TMEM132B: variants seen among roughly 807,000 people sequenced by gnomAD.
The protein encoded by TMEM132B is transmembrane protein 132B.
A neutral mutation model predicts 90.8 loss-of-function variants in TMEM132B; 18 were observed. The ratio of observed to expected loss-of-function variants is 0.20; its 90% confidence interval spans 0.14 to 0.29. TMEM132B has a LOEUF of 0.29. Ranked by LOEUF, TMEM132B falls within the 10% of genes least tolerant of loss-of-function variation. TMEM132B has a pLI of 1.00. For missense variants in TMEM132B, 1,096 were observed against 1,326.8 expected (o/e 0.83, Z 2.70); for synonymous variants, 504 against 523.3 (o/e 0.96, Z 0.50).
chr12:125,319,703 C>T (rs1876375942), intron 1 of TMEM132B, among the ~76,000 whole-genome samples: 1 of 152,176 alleles, frequency 6.6e-6, no homozygotes, highest in Admixed American at 6.5e-5. Context: ...TCAATTATCA[C>T]ATAGGTCCAG....
At chr12:125,480,270 G>A (rs970119764) in intron 3 of TMEM132B, among the ~76,000 whole-genome samples, 6 of 152,154 alleles carry the variant, frequency 3.9e-5, no homozygotes, top group Non-Finnish European at 5.9e-5. Flanking sequence ...GAGCAGAACT[G>A]AAGGAGATAG....
chr12:125,365,862 G>T (rs866543577), intron 2 of TMEM132B, among the ~76,000 whole-genome samples: 105 of 151,842 alleles, frequency 6.9e-4, no homozygotes, highest in African/African-American at 2.4e-3. Flanking sequence ...TCTTTGTGTT[G>T]GGAACATTAG....
At chr12:125,616,426 C>T (rs1357143555) in intron 5 of TMEM132B, among the ~76,000 whole-genome samples, 1 of 152,056 alleles carries the variant, frequency 6.6e-6, no homozygotes, top group African/African-American at 2.4e-5. Context: ...TGCCATGTAG[C>T]TGAAACCCCA....
intron 1 of TMEM132B, among the ~76,000 whole-genome samples, chr12:125,236,817 C>T (rs998896399): frequency 2.6e-5 from 4 of 152,220 alleles, no homozygotes; most frequent in African/African-American, 9.6e-5. Flanking sequence ...TAGGCTTTTT[C>T]CTTTTCCGTA....
chr12:125,567,891 G>A (rs1490784410), intron 4 of TMEM132B, among the ~76,000 whole-genome samples: 3 of 152,274 alleles, frequency 2.0e-5, no homozygotes, highest in African/African-American at 7.2e-5. Flanking sequence ...GAATACACAC[G>A]TAATTATTAC....
chr12:125,332,007 T>C (rs1192166390), intron 1 of TMEM132B, among the ~76,000 whole-genome samples: 1 of 152,142 alleles, frequency 6.6e-6, no homozygotes, highest in African/African-American at 2.4e-5. Flanking sequence ...CATCCCAAAG[T>C]GCTGGGATTA....
intron 3 of TMEM132B, among the ~76,000 whole-genome samples, chr12:125,474,107 C>T (rs372168672): frequency 7.6e-5 from 10 of 130,878 alleles, no homozygotes; most frequent in Admixed American, 2.7e-4. Flanking sequence ...TTCCTTTCTT[C>T]CGTCTTTCTG....
At position 125,654,157 on chromosome 12, in the gene TMEM132B, C is replaced by T. The variant is rs986605589; in HGVS notation, c.2699C>T (p.Thr900Met). The change falls in exon 9 of 9, where the codon ACG becomes ATG. Residue 900 changes from threonine (T) to methionine (M), a missense_variant. By Grantham distance (81) the Thr-to-Met change is moderately conservative (BLOSUM62 -1). Coordinates refer to ENST00000682704, the MANE Select transcript of TMEM132B (RefSeq NM_001366854.1). This position sits in a 1 kb window ranked among gnomAD's most constrained non-coding sequence, Gnocchi z 5.8. ...CTCACAGTGACCTCAAGGGGGCTAA[C>T]GGACTTGGAGATTGGCATGTATGCC... ...SDLTVTSRGL[T>M]DLEIGMYALL... is the part of the protein sequence containing the mutation. The T allele has an allele frequency of 3.7e-6, 6 of 1,614,118 alleles. No individual in the cohort carries two copies. The African/African-American group carries it at 4.0e-5, about 11-fold the overall frequency.
chr12:125,212,925 A>T (rs145443736), intron 1 of TMEM132B, among the ~76,000 whole-genome samples: 1 of 152,182 alleles, frequency 6.6e-6, no homozygotes, highest in African/African-American at 2.4e-5. Flanking sequence ...TTTTCTAAAA[A>T]CCGAGGATAA....
chr12:125,303,243 C>G (rs897559297), intron 1 of TMEM132B, among the ~76,000 whole-genome samples: 1 of 152,144 alleles, frequency 6.6e-6, no homozygotes, highest in Non-Finnish European at 1.5e-5. Context: ...TGGAGTCACA[C>G]AATATTTGTC....
rs1375955150 is a variant in TMEM132B, at chr12:125,653,935, A to G, written c.2477A>G (p.Glu826Gly). 6.2e-7 allele frequency: 1 copy of G among 1,614,208 alleles called. No homozygotes were observed. Among genetic ancestry groups the G allele is most frequent in the African/African-American group, 1.3e-5 (1 of 75,048 alleles). ...CACCTCAGTAATTCCATAGAGCGCGAAGGAAACCAGGAGAGAGCAGTCCAG... is the reference window on the plus strand; with the variant it reads ...CACCTCAGTAATTCCATAGAGCGCGGAGGAAACCAGGAGAGAGCAGTCCAG... Reference protein sequence around the residue: ...KDHLSNSIEREGNQERAVQEW... With the variant: ...KDHLSNSIERGGNQERAVQEW... Residue 826 changes from glutamate (E) to glycine (G), a missense_variant, in exon 9 of 9, where the codon GAA (glutamate) becomes GGA (glycine). Physicochemically the swap from Glu to Gly is moderately conservative, Grantham distance 98 (BLOSUM62 -2). Coordinates refer to ENST00000682704, the MANE Select transcript of TMEM132B (RefSeq NM_001366854.1).
At chr12:125,437,159 T>A (rs1482464820) in intron 3 of TMEM132B, among the ~76,000 whole-genome samples, 1 of 152,194 alleles carries the variant, frequency 6.6e-6, no homozygotes, top group African/African-American at 2.4e-5. Context: ...AGGGGCTGCC[T>A]GGGAGGGAGC....
chr12:125,596,742 T>C (rs1272421236), intron 5 of TMEM132B, among the ~76,000 whole-genome samples: 11 of 152,254 alleles, frequency 7.2e-5, no homozygotes, highest in Admixed American at 7.2e-4. Flanking sequence ...GTCAACCATG[T>C]CACTCCCAAG....
At chr12:125,272,336 G>A (rs1874861701) in intron 1 of TMEM132B, among the ~76,000 whole-genome samples, 1 of 152,226 alleles carries the variant, frequency 6.6e-6, no homozygotes, top group Non-Finnish European at 1.5e-5. Flanking sequence ...GGGTTATTTA[G>A]GGGTACAGGA....
intron 5 of TMEM132B, among the ~76,000 whole-genome samples, chr12:125,626,970 C>A (rs2136984311): frequency 6.6e-6 from 1 of 152,194 alleles, no homozygotes; most frequent in Non-Finnish European, 1.5e-5. Flanking sequence ...CTTGGATGCC[C>A]TTTTCCTTTT....
At chr12:125,285,128 C>A (rs1419181945) in intron 1 of TMEM132B, among the ~76,000 whole-genome samples, 1 of 152,184 alleles carries the variant, frequency 6.6e-6, no homozygotes, top group Admixed American at 6.5e-5. Flanking sequence ...TCTCATTGGA[C>A]CAACTTGTGT....
intron 3 of TMEM132B, among the ~76,000 whole-genome samples, chr12:125,471,529 G>A (rs1250248000): frequency 6.6e-6 from 1 of 152,202 alleles, no homozygotes; most frequent in African/African-American, 2.4e-5. Context: ...AGCTCCCACT[G>A]TAGTGATGAT....
chr12:125,390,938 G>A (rs1878992182), intron 2 of TMEM132B, among the ~76,000 whole-genome samples: 1 of 152,170 alleles, frequency 6.6e-6, no homozygotes, highest in African/African-American at 2.4e-5. Flanking sequence ...CATGCAGCAG[G>A]AGGTAACTAA....
intron 3 of TMEM132B, among the ~76,000 whole-genome samples, chr12:125,474,253 T>TCTTTCTCCCCTCCCCTCCCTC (rs1881809809): frequency 6.7e-6 from 1 of 150,336 alleles, no homozygotes. Context: ...CTCTCTCCCT[T>TCTTTCTCCCCTCCCCTCCCTC]CTTTCTCCCC....
Sources: allele counts gnomAD v4.1 joint callset (sites outside exome capture counted in the v4.1 genomes callset), GRCh38; gene constraint gnomAD v4.1.1; non-coding constraint Gnocchi (gnomAD v3.1); transcripts MANE v1.5; gene names NCBI Gene and HGNC (gene_info 2026-07-23, HGNC 2026-07-21).